Variants in BMP2K observed in about 807,000 individuals in gnomAD.
BMP2K encodes the protein BMP-2-inducible protein kinase.
Under a neutral mutation model 116.0 loss-of-function variants are expected in BMP2K, and 74 were observed. That is an observed-to-expected ratio of 0.64 (90% confidence interval 0.53 to 0.77). The LOEUF (loss-of-function observed/expected upper bound fraction) is 0.77, where lower values mean the gene tolerates loss of function less well. Among genes scored for constraint, BMP2K ranks in the 30% least tolerant of loss-of-function variants. The pLI, the probability that BMP2K is intolerant of heterozygous loss-of-function variation, is 0.00. For missense variants in BMP2K, 1,365 were observed against 1,403.6 expected, an observed-to-expected ratio of 0.97 and a Z score of 0.44; for synonymous variants, 486 against 502.5, an observed-to-expected ratio of 0.97 and a Z score of 0.44.
In BMP2K at chr4:78,829,783, T is replaced by TTC. The variant is rs752134372; in HGVS notation, c.297+3630_297+3631dup. ...TTCTTTTCTTTTCTTTTCTTTTCTTTTCTTTTCTCTTCTCTTCTCTTCTCT... is the reference window on the plus strand; with the variant it reads ...TTCTTTTCTTTTCTTTTCTTTTCTTTTCTCTTTTCTCTTCTCTTCTCTTCTCT... On this transcript the variant is annotated intron_variant, in intron 2 of 15. Transcript: ENST00000502613. Among the ~76,000 whole-genome samples the TTC allele has an allele frequency of 3.9e-3, 427 of 110,774 alleles. 8 individuals are homozygous for TTC. The highest frequency in any genetic ancestry group is 0.014 in the African/African-American group (346 of 24,040). The allele number at this position is 110,774 out of a possible 152,430, so 72.7% of individuals were successfully genotyped here.
At chr4:78,890,541 A>T (rs1733378716) in intron 15 of BMP2K, among the ~76,000 whole-genome samples, 1 of 152,152 alleles carries the variant, frequency 6.6e-6, no homozygotes, top group Non-Finnish European at 1.5e-5. Flanking sequence ...TTTATTATCT[A>T]TCCCATGATC....
At position 78,872,660 on chromosome 4, in the gene BMP2K, A is replaced by G. The variant is rs777689764; in HGVS notation, c.1655A>G (p.Gln552Arg). The change falls in exon 13 of 16, where the codon CAA (glutamine) becomes CGA (arginine). Residue 552 changes from glutamine to arginine, a missense_variant. By Grantham distance (43) the Gln-to-Arg change is conservative. Transcript: ENST00000502613. ...TTCTTTCAACAGCAGATGCTAGCTC[A>G]ACATCAGCCGTCTCAACAACAGGCA... ...QAFFQQQMLA[Q>R]HQPSQQQASP... 5.0e-6 allele frequency: 8 copies of G among 1,614,128 alleles called. No individual in the cohort carries two copies. The highest frequency in any genetic ancestry group is 6.8e-6 in the Non-Finnish European group (8 of 1,179,978).
At chr4:78,808,492 T>G (rs1728931926) in intron 1 of BMP2K, among the ~76,000 whole-genome samples, 1 of 152,062 alleles carries the variant, frequency 6.6e-6, no homozygotes, top group Admixed American at 6.5e-5. Context: ...GGTCTCAATC[T>G]CCTGACCTTG....
chr4:78,790,586 T>A (rs1727949791), intron 1 of BMP2K, among the ~76,000 whole-genome samples: 1 of 152,236 alleles, frequency 6.6e-6, no homozygotes, highest in African/African-American at 2.4e-5. Flanking sequence ...ATATTGTCAA[T>A]ATGTTATTTC....
intron 1 of BMP2K, among the ~76,000 whole-genome samples, chr4:78,821,142 TTC>T (rs1481271993): frequency 6.6e-6 from 1 of 152,202 alleles, no homozygotes; most frequent in Non-Finnish European, 1.5e-5. Flanking sequence ...AGTTCTTTTT[TTC>T]TGTTTGCTTG....
intron 1 of BMP2K, among the ~76,000 whole-genome samples, chr4:78,819,084 T>TTGAA (rs1729494898): frequency 6.6e-6 from 1 of 152,182 alleles, no homozygotes; most frequent in South Asian, 2.1e-4. Context: ...ATATTATTTA[T>TTGAA]TGAATGAATG....
chr4:78,848,792 A>T (rs1464734490), intron 6 of BMP2K, among the ~76,000 whole-genome samples: 1 of 151,270 alleles, frequency 6.6e-6, no homozygotes. Context: ...CTGTGGGCTT[A>T]CAAATAGATA....
intron 13 of BMP2K, among the ~76,000 whole-genome samples, chr4:78,877,040 A>C (rs1290063105): frequency 6.6e-6 from 1 of 152,204 alleles, no homozygotes; most frequent in Non-Finnish European, 1.5e-5. Context: ...AATATTGTAT[A>C]AAGGATTAAA....
chr4:78,805,382 G>T (rs1728767320), intron 1 of BMP2K, among the ~76,000 whole-genome samples: 1 of 151,928 alleles, frequency 6.6e-6, no homozygotes, highest in Non-Finnish European at 1.5e-5. Context: ...GGTTGTTTTG[G>T]CTGTTTTGGG....
rs776251431 is a variant in BMP2K, at chr4:78,871,909, A to G, written c.1569A>G (p.Val523=). The change falls in exon 12 of 16, where the codon GTA becomes GTG. Residue 523 remains valine (V), a synonymous_variant. Coordinates refer to ENST00000502613, the MANE Select transcript of BMP2K (RefSeq NM_198892.2). Reference sequence around the variant, plus strand: ...AACAACAATTTTTAATGCATTCGGTATATCAACCACAACCTTCTGCATCAC... The same window carrying G: ...AACAACAATTTTTAATGCATTCGGTGTATCAACCACAACCTTCTGCATCAC... ...MLQQQFLMHS[V]YQPQPSASQY... The G allele has an allele frequency of 1.7e-5, 27 of 1,612,788 alleles. No homozygotes were observed. The highest frequency in any genetic ancestry group is 2.1e-5 in the Non-Finnish European group (25 of 1,179,342).
In BMP2K at chr4:78,826,122, C is replaced by A. The variant is rs564247534; in HGVS notation, c.264C>A (p.Asp88Glu). The A allele has an allele frequency of 4.3e-6, 7 of 1,613,642 alleles. No homozygotes were observed. In the East Asian group the frequency reaches 1.3e-4, roughly 31 times the overall value. Residue 88 changes from aspartate (D) to glutamate (E), a missense_variant, in exon 2 of 16, where the codon GAC becomes GAA. Asp to Glu is a conservative substitution (Grantham distance 45). Around this residue, in one of 3 missense-constraint regions of BMP2K, gnomAD observed 762 missense variants for 756.7 expected, o/e 1.01. Coordinates refer to ENST00000502613, the MANE Select transcript of BMP2K (RefSeq NM_198892.2). The stretch of plus-strand genomic sequence containing the variant: ...GAATGTATGTCAATAACATGCCAGA[C>A]CTCAATGTTTGTAAAAGGGAAATTA... ...LKRMYVNNMP[D>E]LNVCKREITI...
chr4:78,912,349 G>A lies in BMP2K; in HGVS notation c.*316G>A, dbSNP rs1734686033. The A allele has an allele frequency of 3.9e-6, 1 of 255,112 alleles. No individual in the cohort carries two copies. The highest frequency in any genetic ancestry group is 2.2e-5 in the African/African-American group (1 of 45,048). The allele number at this position is 255,112 out of a possible 1,614,324, so 15.8% of individuals were successfully genotyped here. ...ACCTTTCTAGGTGTGTAGCCACTGA[G>A]AAGGGACAGTGAAACTGTTATTTTT... On this transcript the variant is annotated 3_prime_UTR_variant, in exon 16 of 16. Transcript: ENST00000502613.
rs1231723215 is a variant in BMP2K at position 78,911,111 on chromosome 4, T to C, written c.2564T>C (p.Phe855Ser). 16 of 1,613,814 alleles carry C rather than the reference T, an allele frequency of 9.9e-6. No homozygotes were observed. The highest frequency in any genetic ancestry group is 9.3e-6 in the Non-Finnish European group (11 of 1,179,880). The change falls in exon 16 of 16, where the codon TTT becomes TCT. Residue 855 changes from phenylalanine (F) to serine (S), a missense_variant. Transcript: ENST00000502613. The stretch of plus-strand genomic sequence containing the variant: ...GCAGTGGAGACTCCCAAACAGGAGT[T>C]TGATGTATTTGGCGCTGTCCCCTTC... ...DVAVETPKQE[F>S]DVFGAVPFFA...
At chr4:78,865,490 T>C in intron 9 of BMP2K, 67 bp from the exon 10 acceptor site, 1 of 1,471,308 alleles carries the variant, frequency 6.8e-7, no homozygotes, top group Non-Finnish European at 9.4e-7. Flanking sequence ...GTTGGATGCT[T>C]TATAGAATAA....
chr4:78,825,940 AT>A (rs1333047565), intron 1 of BMP2K, 96 bp from the exon 2 acceptor site: 1 of 928,078 alleles, frequency 1.1e-6, no homozygotes. Flanking sequence ...GGGTACAATC[AT>A]TGTTTATTTT....
At chr4:78,813,702 C>G (rs538840656) in intron 1 of BMP2K, among the ~76,000 whole-genome samples, 151 of 152,308 alleles carry the variant, frequency 9.9e-4, no homozygotes, top group African/African-American at 3.2e-3. Context: ...TCAAAGTCAC[C>G]TCAGGTCTTC....
chr4:78,790,961 A>G (rs904330225), intron 1 of BMP2K, among the ~76,000 whole-genome samples: 2 of 152,164 alleles, frequency 1.3e-5, no homozygotes, highest in African/African-American at 2.4e-5. Context: ...CCAACTTTAG[A>G]TAGAGGCTGA....
intron 1 of BMP2K, among the ~76,000 whole-genome samples, chr4:78,813,998 T>C (rs1729211224): frequency 6.6e-6 from 1 of 152,254 alleles, no homozygotes. Flanking sequence ...AATGAATTAC[T>C]AAATGGTGTA....
intron 1 of BMP2K, among the ~76,000 whole-genome samples, chr4:78,787,441 A>G (rs1162536102): frequency 2.0e-5 from 3 of 152,168 alleles, no homozygotes; most frequent in African/African-American, 7.2e-5. Flanking sequence ...GTGACTCTCA[A>G]AATGTTCTAG....
Sources: gnomAD v4.1 joint callset for allele counts (sites outside exome capture counted in the v4.1 genomes callset) on GRCh38, gnomAD v4.1.1 for gene constraint, gnomAD v4.1.1 regional missense constraint, MANE v1.5 for transcripts, NCBI Gene and HGNC (gene_info 2026-07-23, HGNC 2026-07-21) for gene names.